ZNF486: variants seen among roughly 807,000 people sequenced by gnomAD.
ZNF486 encodes KRAB box only protein 2.
A neutral mutation model predicts 12.8 loss-of-function variants in ZNF486; 12 were observed. That is an observed-to-expected ratio of 0.94 (90% CI 0.60 to 1.52). The LOEUF (loss-of-function observed/expected upper bound fraction) is 1.52, where lower values mean the gene tolerates loss of function less well. Ranked by LOEUF, ZNF486 falls within the 40% of genes most tolerant of loss-of-function variation. ZNF486 has a pLI of 0.00. For missense variants in ZNF486, 738 were observed against 545.0 expected, an observed-to-expected ratio of 1.35 and a Z score of -3.53; for synonymous variants, 231 against 184.9, an observed-to-expected ratio of 1.25 and a Z score of -2.02.
chr19:20,182,870 C>G (rs1157791953), intron 1 of ZNF486, among the ~76,000 whole-genome samples: 3 of 152,024 alleles, frequency 2.0e-5, no homozygotes, highest in Non-Finnish European at 4.4e-5. Context: ...TCCAGAGAAT[C>G]TCATCTGAGA....
chr19:20,183,360 T>C (rs1175054003), intron 1 of ZNF486, among the ~76,000 whole-genome samples: 1 of 152,336 alleles, frequency 6.6e-6, no homozygotes, highest in Admixed American at 6.5e-5. Flanking sequence ...TTATATGGAA[T>C]GGCATTTATT....
At chr19:20,171,068 T>C (rs995968552) in intron 1 of ZNF486, among the ~76,000 whole-genome samples, 7 of 152,230 alleles carry the variant, frequency 4.6e-5, no homozygotes, top group Non-Finnish European at 1.0e-4. Context: ...ATGCTGACTT[T>C]AGGTGCTGTC....
At chr19:20,187,340 T>A (rs1360252965) in intron 3 of ZNF486, among the ~76,000 whole-genome samples, 1 of 152,052 alleles carries the variant, frequency 6.6e-6, no homozygotes, top group Non-Finnish European at 1.5e-5. Flanking sequence ...AAACAGCGAC[T>A]TTTTACTTAT....
rs185788774 is a variant in ZNF486, at chr19:20,178,695, C to T, written c.31-5661C>T. ...CTTGTGCAGCAAAGTGCATGCTGTC[C>T]CCTAAATATGCAGGCAGAATTGTGT... On this transcript the variant is annotated intron_variant, in intron 1 of 3. Coordinates refer to ENST00000335117, the MANE Select transcript of ZNF486 (RefSeq NM_052852.4). 1.2e-4 allele frequency among the ~76,000 whole-genome samples: 19 copies of T among 152,318 alleles called. No homozygotes were observed. In the East Asian group the frequency reaches 3.3e-3, roughly 26 times the overall value.
At chr19:20,192,735 T>A (rs782393064) in intron 3 of ZNF486, among the ~76,000 whole-genome samples, 2 of 152,198 alleles carry the variant, frequency 1.3e-5, no homozygotes, top group Non-Finnish European at 2.9e-5. Context: ...GTTACAAGTA[T>A]GTGTCATCAT....
chr19:20,190,899 G>A (rs951285635), intron 3 of ZNF486, among the ~76,000 whole-genome samples: 2 of 152,152 alleles, frequency 1.3e-5, no homozygotes, highest in African/African-American at 4.8e-5. Context: ...GGTGGGACAT[G>A]TTTGTGTCAT....
intron 1 of ZNF486, among the ~76,000 whole-genome samples, chr19:20,183,953 T>C (rs1324725112): frequency 6.7e-6 from 1 of 150,222 alleles, no homozygotes; most frequent in East Asian, 2.0e-4. Context: ...GAAAAAAAAA[T>C]CCTGCATAAG....
chr19:20,175,542 C>T (rs549900384), intron 1 of ZNF486, among the ~76,000 whole-genome samples: 95 of 151,182 alleles, frequency 6.3e-4, no homozygotes, highest in Non-Finnish European at 1.2e-3. Context: ...TCTTAATGAG[C>T]ATGCTGCCTT....
intron 3 of ZNF486, chr19:20,188,567 C>A (rs1568324351): frequency 2.5e-6 from 1 of 397,734 alleles, no homozygotes; most frequent in Non-Finnish European, 4.4e-6. Flanking sequence ...AGCTGTGGTA[C>A]CTGCTACTTG....
Position 20,197,162 on chromosome 19 carries a change from G to C in ZNF486, c.452G>C (p.Ser151Thr). The change falls in exon 4 of 4, where the codon AGC (serine) becomes ACC (threonine). Residue 151 changes from serine to threonine, a missense_variant. Transcript: ENST00000335117. Reference sequence around the variant, plus strand: ...AACCAATGTTTGACAACTACCCAGAGCAAAATATTTCAATGTGGTAAATAT... The same window carrying C: ...AACCAATGTTTGACAACTACCCAGACCAAAATATTTCAATGTGGTAAATAT... ...GLNQCLTTTQ[S>T]KIFQCGKYVK... 1 of 1,613,868 alleles carries C rather than the reference G, an allele frequency of 6.2e-7. No individual in the cohort carries two copies. Among genetic ancestry groups the C allele is most frequent in the Non-Finnish European group, 8.5e-7 (1 of 1,179,952 alleles).
At chr19:20,169,272 G>A (rs138426624) in intron 1 of ZNF486, among the ~76,000 whole-genome samples, 1 of 152,172 alleles carries the variant, frequency 6.6e-6, no homozygotes, top group Non-Finnish European at 1.5e-5. Context: ...GCGCCGTCAC[G>A]CCCGGCTAAT....
At chr19:20,191,452 G>T (rs2089901408) in intron 3 of ZNF486, among the ~76,000 whole-genome samples, 1 of 133,350 alleles carries the variant, frequency 7.5e-6, no homozygotes, top group African/African-American at 3.0e-5. Context: ...GGGCGACAGC[G>T]AGATTCCTTC....
At chr19:20,191,156 A>G (rs2089897893) in intron 3 of ZNF486, among the ~76,000 whole-genome samples, 1 of 152,204 alleles carries the variant, frequency 6.6e-6, no homozygotes, top group Admixed American at 6.5e-5. Flanking sequence ...ACTGTGAGCC[A>G]CATAAATTAT....
In ZNF486 at chr19:20,200,313, T is replaced by C. The variant is rs781974107; in HGVS notation, c.*2211T>C. ...AAATGTAAGATGCATGATGAAAATA[T>C]AAGTGGAGAGGCTCTTTGTAGTTAA... On this transcript the variant is annotated 3_prime_UTR_variant, in exon 4 of 4. Transcript: ENST00000335117. The C allele has an allele frequency of 2.6e-5, 4 of 152,124 alleles. No individual in the cohort carries two copies. The highest frequency in any genetic ancestry group is 4.4e-5 in the Non-Finnish European group (3 of 68,024). 9.4% of individuals were successfully genotyped at this position (152,124 alleles called of 1,614,324 possible).
At chr19:20,173,680 A>G (rs1199022106) in intron 1 of ZNF486, among the ~76,000 whole-genome samples, 3 of 152,068 alleles carry the variant, frequency 2.0e-5, no homozygotes, top group African/African-American at 7.2e-5. Context: ...ATACAAAAAA[A>G]AATTAGTCAG....
chr19:20,173,847 TC>T, intron 1 of ZNF486, among the ~76,000 whole-genome samples: 1 of 151,764 alleles, frequency 6.6e-6, no homozygotes, highest in East Asian at 1.9e-4. Context: ...AAAAAAAACT[TC>T]CAAAAAAATT....
intron 1 of ZNF486, among the ~76,000 whole-genome samples, chr19:20,175,584 C>T (rs1475595592): frequency 3.3e-5 from 5 of 151,624 alleles, no homozygotes; most frequent in Non-Finnish European, 7.4e-5. Context: ...ACATCTTGCA[C>T]CGCCCTTAAT....
chr19:20,184,744 T>G (rs531726716), intron 2 of ZNF486, among the ~76,000 whole-genome samples: 2 of 152,266 alleles, frequency 1.3e-5, no homozygotes, highest in East Asian at 3.9e-4. Context: ...CATAAAATAG[T>G]GTTGCCCTCA....
At chr19:20,184,743 G>A (rs59729005) in intron 2 of ZNF486, among the ~76,000 whole-genome samples, 30,669 of 152,006 alleles carry the variant, frequency 0.2, 3,798 homozygotes, top group East Asian at 0.38. Flanking sequence ...GCATAAAATA[G>A]TGTTGCCCTC....
Sources: allele counts gnomAD v4.1 joint callset (sites outside exome capture counted in the v4.1 genomes callset), GRCh38; gene constraint gnomAD v4.1.1; transcripts MANE v1.5; gene names NCBI Gene and HGNC (gene_info 2026-07-23, HGNC 2026-07-21).